WDR49: variants seen among roughly 807,000 people sequenced by gnomAD.
WDR49 encodes the protein cilia- and flagella-associated protein 337.
A neutral mutation model predicts 119.5 loss-of-function variants in WDR49; 107 were observed. That is an observed-to-expected ratio of 0.90 (90% confidence interval 0.77 to 1.05). The LOEUF (loss-of-function observed/expected upper bound fraction) is 1.05. Among genes scored for constraint, WDR49 ranks in the 50% least tolerant of loss-of-function variants. The probability of loss-of-function intolerance (pLI) is 0.00; values close to 1 mark genes in which losing one functional copy is unlikely to be tolerated. For synonymous variants in WDR49, 425 were observed against 418.8 expected, an observed-to-expected ratio of 1.01 and a Z score of -0.18; for missense variants, 1,240 against 1,220.5, an observed-to-expected ratio of 1.02 and a Z score of -0.24.
intron 8 of WDR49, among the ~76,000 whole-genome samples, chr3:167,560,828 C>A (rs1344496908): frequency 6.7e-6 from 1 of 148,630 alleles, no homozygotes; most frequent in Non-Finnish European, 1.5e-5. Context: ...AATCTACATG[C>A]ACACTTTGAA....
chr3:167,655,558 C>A (rs930049806), upstream of WDR49, among the ~76,000 whole-genome samples: 1 of 152,096 alleles, frequency 6.6e-6, no homozygotes, highest in Non-Finnish European at 1.5e-5. Context: ...TTCATGCTTT[C>A]ATTTTTTCAT....
At chr3:167,616,629 AAG>A (rs900488254) in intron 5 of WDR49, among the ~76,000 whole-genome samples, 2 of 150,494 alleles carry the variant, frequency 1.3e-5, no homozygotes, top group African/African-American at 2.5e-5. Flanking sequence ...TATTAAAAAA[AAG>A]AGAGAGAGAG....
chr3:167,523,513 C>G (rs1026381849), intron 15 of WDR49, among the ~76,000 whole-genome samples: 1 of 151,922 alleles, frequency 6.6e-6, no homozygotes, highest in South Asian at 2.1e-4. Context: ...GCTCCACATG[C>G]ATTAGGTATT....
chr3:167,546,728 T>G (rs1435953720), intron 10 of WDR49, among the ~76,000 whole-genome samples: 26 of 151,752 alleles, frequency 1.7e-4, no homozygotes, highest in Admixed American at 1.6e-3. Flanking sequence ...AAAACCACCT[T>G]TTTTCTAGGA....
At chr3:167,555,357 T>C (rs1218695719) in intron 9 of WDR49, among the ~76,000 whole-genome samples, 1 of 152,174 alleles carries the variant, frequency 6.6e-6, no homozygotes, top group African/African-American at 2.4e-5. Context: ...GCATTATGCA[T>C]CTCTTCCATC....
chr3:167,560,252 G>C (rs1039201420), intron 8 of WDR49, 24 bp from the exon 9 acceptor site: 1 of 1,599,572 alleles, frequency 6.3e-7, no homozygotes, highest in Non-Finnish European at 8.5e-7. Flanking sequence ...ACATTTTAAA[G>C]AAATTAAATA....
rs1449701572 is a variant in WDR49 at position 167,576,026 on chromosome 3, CGAGATGAAAA to C, written c.1391_1400del (p.Leu464ArgfsTer6). 1.9e-6 allele frequency: 3 copies of C among 1,613,964 alleles called. No individual in the cohort carries two copies. The highest frequency in any genetic ancestry group is 1.7e-5 in the Admixed American group (1 of 60,004). ...CCAACAATGCTAGCTGGTTATTAAA[CGAGATGAAAA>C]GTCGTCCATGGGCTTCATCAAAGTG... is the stretch of plus-strand genomic sequence containing the variant. On this transcript the variant is annotated frameshift_variant, in exon 8 of 19. Transcript: ENST00000682715. LOFTEE classifies it high-confidence loss of function.
Position 167,643,787 on chromosome 3 carries a change from T to G in WDR49, c.165+9474A>C, listed in dbSNP as rs144342377. 2.6e-3 allele frequency among the ~76,000 whole-genome samples: 394 copies of G among 152,198 alleles called. 2 individuals carry two copies. The highest frequency in any genetic ancestry group is 9.0e-3 in the African/African-American group (373 of 41,554). ...AAGAATGAGTAAATGATAAATATAT[T>G]GTAAATATTCTCTTCTATATTGAGG... On this transcript the variant is annotated intron_variant, in intron 2 of 18. Coordinates refer to ENST00000682715, the MANE Select transcript of WDR49 (RefSeq NM_001366157.1).
At chr3:167,638,212 T>G (rs1186597186) in intron 2 of WDR49, among the ~76,000 whole-genome samples, 4 of 151,630 alleles carry the variant, frequency 2.6e-5, no homozygotes, top group Admixed American at 6.6e-5. Context: ...AGTTGTCTGA[T>G]TTTATTTCAG....
upstream of WDR49, among the ~76,000 whole-genome samples, chr3:167,655,283 C>T (rs900434555): frequency 2.0e-5 from 3 of 152,180 alleles, no homozygotes; most frequent in Admixed American, 2.0e-4. Flanking sequence ...CCTGGCCACG[C>T]CCTTGTCATG....
At chr3:167,544,465 C>G (rs1712042398) in intron 10 of WDR49, among the ~76,000 whole-genome samples, 1 of 151,718 alleles carries the variant, frequency 6.6e-6, no homozygotes, top group Admixed American at 6.6e-5. Context: ...AGCAGTGGGA[C>G]ATAGACCGGT....
At chr3:167,645,297 A>G (rs371888945) in intron 2 of WDR49, among the ~76,000 whole-genome samples, 122 of 151,790 alleles carry the variant, frequency 8.0e-4, no homozygotes, top group Middle Eastern at 3.4e-3. Context: ...TGCAACCTTC[A>G]CCTCCCGGGT....
chr3:167,534,800 A>G (rs766992537), intron 11 of WDR49, among the ~76,000 whole-genome samples: 1 of 152,288 alleles, frequency 6.6e-6, no homozygotes, highest in South Asian at 2.1e-4. Context: ...AAGCATGCCT[A>G]TGAATCATTT....
intron 16 of WDR49, among the ~76,000 whole-genome samples, chr3:167,516,240 C>T (rs974440510): frequency 7.2e-6 from 1 of 139,438 alleles, no homozygotes; most frequent in Non-Finnish European, 1.6e-5. Context: ...CAAATGCTAT[C>T]CCTCCACCCT....
At chr3:167,482,678 CAAAA>C (rs56753360) in intron 18 of WDR49, among the ~76,000 whole-genome samples, 1 of 71,246 alleles carries the variant, frequency 1.4e-5, no homozygotes, top group East Asian at 4.7e-4. Flanking sequence ...GACTCTGTCT[CAAAA>C]AAAAAAAAAA....
chr3:167,604,882 G>T (rs1454952742), intron 5 of WDR49, among the ~76,000 whole-genome samples: 2 of 152,124 alleles, frequency 1.3e-5, no homozygotes, highest in Non-Finnish European at 2.9e-5. Context: ...ATCTGATGGT[G>T]CCTTAATCTT....
At chr3:167,618,848 A>C (rs1294263126) in intron 5 of WDR49, among the ~76,000 whole-genome samples, 1 of 152,202 alleles carries the variant, frequency 6.6e-6, no homozygotes, top group African/African-American at 2.4e-5. Context: ...ACATTGACCT[A>C]GAGAACAATC....
intron 13 of WDR49, among the ~76,000 whole-genome samples, chr3:167,530,863 C>T (rs1354364898): frequency 1.3e-5 from 2 of 152,068 alleles, no homozygotes; most frequent in East Asian, 1.9e-4. Context: ...AATAATTTGT[C>T]AGAATTTTTC....
chr3:167,589,975 T>A (rs1483380904), intron 7 of WDR49, among the ~76,000 whole-genome samples: 2 of 151,884 alleles, frequency 1.3e-5, no homozygotes, highest in Non-Finnish European at 3.0e-5. Flanking sequence ...TGGGCATTCT[T>A]CAGATCTTAG....
Sources: allele counts gnomAD v4.1 joint callset (sites outside exome capture counted in the v4.1 genomes callset), GRCh38; gene constraint gnomAD v4.1.1; transcripts MANE v1.5; gene names NCBI Gene and HGNC (gene_info 2026-07-23, HGNC 2026-07-21).